DNAH9: variants seen among roughly 807,000 people sequenced by gnomAD.
DNAH9 encodes the protein DNAH9 variant protein.
DNAH9 carries 345 observed loss-of-function variants against 471.6 expected under a neutral mutation model. That is an observed-to-expected ratio of 0.73 (90% CI 0.67 to 0.80). The LOEUF (loss-of-function observed/expected upper bound fraction) is 0.80. Among genes scored for constraint, DNAH9 ranks in the 30% least tolerant of loss-of-function variants. The pLI is 0.00. For missense variants in DNAH9, 5,407 were observed against 5,609.2 expected (o/e 0.96, Z 1.15); for synonymous variants, 2,093 against 2,123.6 (o/e 0.99, Z 0.40).
chr17:11,957,351 TAA>T (rs1209903762), intron 67 of DNAH9, among the ~76,000 whole-genome samples: 1 of 152,142 alleles, frequency 6.6e-6, no homozygotes, highest in African/African-American at 2.4e-5. Flanking sequence ...CAATTTTACA[TAA>T]ACTCTTCTAC....
chr17:11,880,485 CG>C (rs1567871661), intron 54 of DNAH9, among the ~76,000 whole-genome samples: 1 of 152,102 alleles, frequency 6.6e-6, no homozygotes, highest in East Asian at 1.9e-4. Context: ...AGAAGGAAAT[CG>C]GTCAAAAAGC....
intron 59 of DNAH9, among the ~76,000 whole-genome samples, chr17:11,900,684 GGTA>G (rs991643676): frequency 2.0e-5 from 3 of 151,928 alleles, no homozygotes; most frequent in African/African-American, 7.3e-5. Flanking sequence ...GTATCTGGCA[GGTA>G]GTAGGAATTG....
chr17:11,704,554 T>G (rs1597507195), intron 25 of DNAH9, 112 bp downstream of exon 25: 4 of 962,416 alleles, frequency 4.2e-6, no homozygotes, highest in South Asian at 1.8e-5. Flanking sequence ...ACCAGACAGC[T>G]GGGGGAGGAT....
chr17:11,762,770 G>GTTGTTTGTT (rs1967746481), intron 35 of DNAH9, among the ~76,000 whole-genome samples: 2 of 90,744 alleles, frequency 2.2e-5, no homozygotes, highest in South Asian at 4.1e-4. Flanking sequence ...TTTTTTTTTT[G>GTTGTTTGTT]TTTTTTTTTT....
intron 20 of DNAH9, among the ~76,000 whole-genome samples, chr17:11,691,894 C>T (rs1427590808): frequency 6.6e-6 from 1 of 152,098 alleles, no homozygotes; most frequent in Non-Finnish European, 1.5e-5. Context: ...ACCTCTGCCT[C>T]CTGGGTTCAA....
intron 53 of DNAH9, among the ~76,000 whole-genome samples, chr17:11,879,710 T>A (rs1395481382): frequency 6.6e-6 from 1 of 152,044 alleles, no homozygotes; most frequent in Non-Finnish European, 1.5e-5. Context: ...GTGAAGTGAT[T>A]ACAATATATT....
intron 56 of DNAH9, among the ~76,000 whole-genome samples, chr17:11,885,273 T>C (rs1041901993): frequency 6.6e-6 from 1 of 152,018 alleles, no homozygotes; most frequent in African/African-American, 2.4e-5. Context: ...TCAACCCACA[T>C]TGGGTGAGAG....
intron 50 of DNAH9, among the ~76,000 whole-genome samples, chr17:11,866,788 A>G (rs368213933): frequency 2.9e-4 from 44 of 152,338 alleles, no homozygotes; most frequent in Non-Finnish European, 3.8e-4. Flanking sequence ...TGTGCTAGCA[A>G]TCAGCGAGAT....
At chr17:11,601,885 G>T (rs557482285) in intron 1 of DNAH9, among the ~76,000 whole-genome samples, 2 of 152,106 alleles carry the variant, frequency 1.3e-5, no homozygotes. Flanking sequence ...TGGGCGGGGC[G>T]GTTTGGGGGT....
At chr17:11,926,774 G>A (rs371445899) in intron 62 of DNAH9, among the ~76,000 whole-genome samples, 6 of 152,276 alleles carry the variant, frequency 3.9e-5, no homozygotes, top group African/African-American at 1.4e-4. Context: ...CTTATACCCA[G>A]TAATAGGATT....
rs1968653681 is a variant in DNAH9 at position 11,781,188 on chromosome 17, T to C, written c.7718+14T>C. ...CTATGGCCACTGGTAAGAGCGCCCA[T>C]GTAGAGGGACTGGCCCAAGGGAGCA... On this transcript the variant is annotated intron_variant, in intron 39 of 68. Transcript: ENST00000262442. 1.9e-6 allele frequency: 3 copies of C among 1,612,012 alleles called. No individual in the cohort carries two copies. Among genetic ancestry groups the C allele is most frequent in the Middle Eastern group, 1.7e-4 (1 of 6,026 alleles).
At position 11,827,009 on chromosome 17, in the gene DNAH9, G is replaced by A. The variant is rs57043426; in HGVS notation, c.9246+3975G>A. 5.3e-5 allele frequency among the ~76,000 whole-genome samples: 8 copies of A among 151,820 alleles called. No homozygotes were observed. The East Asian group carries it at 1.6e-3, about 30-fold the overall frequency. On this transcript the variant is annotated intron_variant, in intron 48 of 68. Transcript: ENST00000262442. ...CCAGCTAATTTTTGTATTTTTAGTA[G>A]AGATGGGGTTTCACCATGTTGGCCA...
chr17:11,944,662 C>T (rs1975051886), intron 67 of DNAH9, among the ~76,000 whole-genome samples: 1 of 152,198 alleles, frequency 6.6e-6, no homozygotes, highest in Non-Finnish European at 1.5e-5. Context: ...AACTTGCTGT[C>T]ATGAATCCCA....
intron 26 of DNAH9, among the ~76,000 whole-genome samples, chr17:11,714,987 C>G (rs1041013252): frequency 1.3e-5 from 2 of 152,204 alleles, no homozygotes; most frequent in African/African-American, 2.4e-5. Flanking sequence ...ACCTGGACTT[C>G]TGGCCCACAG....
chr17:11,956,551 A>C (rs1273813657), intron 67 of DNAH9, among the ~76,000 whole-genome samples: 1 of 152,130 alleles, frequency 6.6e-6, no homozygotes, highest in Non-Finnish European at 1.5e-5. Flanking sequence ...TACACAGAAC[A>C]CTCACCAAAA....
intron 49 of DNAH9, chr17:11,853,260 G>T (rs903335466): frequency 6.6e-6 from 1 of 152,274 alleles, no homozygotes; most frequent in Non-Finnish European, 1.5e-5. Flanking sequence ...GCTTCTCACC[G>T]AATGTCATAG....
intron 35 of DNAH9, among the ~76,000 whole-genome samples, chr17:11,761,797 G>A (rs1967679572): frequency 6.6e-6 from 1 of 152,052 alleles, no homozygotes; most frequent in Non-Finnish European, 1.5e-5. Context: ...CCCTGTGCAG[G>A]AGGGGACACT....
Position 11,957,633 on chromosome 17 carries a change from CA to C in DNAH9, c.12844-4230del, listed in dbSNP as rs1228639560. On this transcript the variant is annotated intron_variant, in intron 67 of 68. Transcript: ENST00000262442. Reference sequence around the variant, plus strand: ...GATGCAGACAAAACAACAACAACAACAAAACTGTTCTCTTCAGCAGAGAGAG... The same window carrying C: ...GATGCAGACAAAACAACAACAACAACAAACTGTTCTCTTCAGCAGAGAGAG... 2.0e-5 allele frequency among the ~76,000 whole-genome samples: 3 copies of C among 148,616 alleles called. No homozygotes were observed. In the South Asian group the frequency reaches 6.4e-4, roughly 32 times the overall value.
At chr17:11,797,909 GC>G in intron 43 of DNAH9, 116 bp downstream of exon 43, 1 of 1,052,822 alleles carries the variant, frequency 9.5e-7, no homozygotes, top group Non-Finnish European at 1.4e-6. Flanking sequence ...TCCGGCTTCT[GC>G]CTTAAAAGTC....
Sources: allele counts gnomAD v4.1 joint callset (sites outside exome capture counted in the v4.1 genomes callset), GRCh38; gene constraint gnomAD v4.1.1; transcripts MANE v1.5; gene names NCBI Gene and HGNC (gene_info 2026-07-23, HGNC 2026-07-21).